LPCAT2: variants seen among roughly 807,000 people sequenced by gnomAD.
The protein encoded by LPCAT2 is 1-AGP acyltransferase 11.
LPCAT2 carries 58 observed loss-of-function variants against 64.7 expected under a neutral mutation model. The observed-to-expected ratio is 0.90, with a 90% CI of 0.73 to 1.12. LPCAT2 has a LOEUF of 1.12. Ranked by LOEUF, LPCAT2 falls within the 50% of genes most tolerant of loss-of-function variation. LPCAT2 has a pLI of 0.00. For synonymous variants in LPCAT2, 252 were observed against 245.3 expected, an observed-to-expected ratio of 1.03 and a Z score of -0.26; for missense variants, 579 against 669.8, an observed-to-expected ratio of 0.86 and a Z score of 1.50.
intron 6 of LPCAT2, among the ~76,000 whole-genome samples, chr16:55,533,237 CAG>C (rs1308474043): frequency 6.6e-6 from 1 of 151,956 alleles, no homozygotes; most frequent in African/African-American, 2.4e-5. Flanking sequence ...TTTCCTGACT[CAG>C]TGGTCATTAC....
At chr16:55,536,645 A>G (rs1234903891) in intron 7 of LPCAT2, among the ~76,000 whole-genome samples, 2 of 152,154 alleles carry the variant, frequency 1.3e-5, no homozygotes, top group Admixed American at 6.5e-5. Flanking sequence ...ATTTTTACAG[A>G]TAAATTATGT....
chr16:55,569,321 GCTA>G (rs1397612979), intron 11 of LPCAT2, among the ~76,000 whole-genome samples: 1 of 152,152 alleles, frequency 6.6e-6, no homozygotes, highest in Non-Finnish European at 1.5e-5. Flanking sequence ...GGTCTGGTGT[GCTA>G]CTTAGACCAG....
At chr16:55,534,409 C>T in intron 6 of LPCAT2, 34 bp from the exon 7 acceptor site, 1 of 1,403,564 alleles carries the variant, frequency 7.1e-7, no homozygotes, top group Non-Finnish European at 1.0e-6. Context: ...ATTTTTCCTC[C>T]AGACCAACAG....
At chr16:55,549,216 A>C in intron 9 of LPCAT2, 61 bp from the exon 10 acceptor site, 1 of 1,381,228 alleles carries the variant, frequency 7.2e-7, no homozygotes, top group Non-Finnish European at 9.8e-7. Context: ...AAGCCTAGTG[A>C]AATATGATTA....
chr16:55,575,491 C>T (rs1440246078), intron 12 of LPCAT2, among the ~76,000 whole-genome samples: 1 of 152,160 alleles, frequency 6.6e-6, no homozygotes, highest in African/African-American at 2.4e-5. Flanking sequence ...TCATTTCTCT[C>T]CTTGTCTTGC....
chr16:55,509,454 G>T (rs920778618), intron 1 of LPCAT2, 102 bp downstream of exon 1: 1 of 1,201,456 alleles, frequency 8.3e-7, no homozygotes, highest in South Asian at 2.3e-5. Context: ...GGCGGCCGAG[G>T]GGGGCGTGGG....
At chr16:55,536,818 T>C (rs1963329998) in intron 7 of LPCAT2, among the ~76,000 whole-genome samples, 1 of 152,172 alleles carries the variant, frequency 6.6e-6, no homozygotes, top group East Asian at 1.9e-4. Flanking sequence ...AAGCTATAAG[T>C]AGGAACAACT....
intron 11 of LPCAT2, among the ~76,000 whole-genome samples, chr16:55,569,938 T>C (rs1963750629): frequency 6.6e-6 from 1 of 152,226 alleles, no homozygotes; most frequent in South Asian, 2.1e-4. Context: ...AAAATTTGCC[T>C]GCTCTATATG....
At chr16:55,509,503 G>A in intron 1 of LPCAT2, 151 bp downstream of exon 1, 1 of 855,538 alleles carries the variant, frequency 1.2e-6, no homozygotes, top group Non-Finnish European at 1.6e-6. Context: ...GCGAGAGTCT[G>A]AGGAGGGAGG....
At chr16:55,572,091 A>G (rs1008908158) in intron 11 of LPCAT2, among the ~76,000 whole-genome samples, 16 of 152,086 alleles carry the variant, frequency 1.1e-4, no homozygotes, top group African/African-American at 3.9e-4. Context: ...CTCTCTTGTG[A>G]TCATCAAGAT....
chr16:55,533,249 C>G (rs143731024), intron 6 of LPCAT2, among the ~76,000 whole-genome samples: 41 of 152,054 alleles, frequency 2.7e-4, no homozygotes, highest in African/African-American at 9.6e-4. Context: ...GTGGTCATTA[C>G]TAGTGAAGAA....
At chr16:55,546,729 A>T (rs1321393671) in intron 9 of LPCAT2, among the ~76,000 whole-genome samples, 1 of 152,220 alleles carries the variant, frequency 6.6e-6, no homozygotes, top group African/African-American at 2.4e-5. Flanking sequence ...GTGTATATAG[A>T]TGTGCTTGTT....
chr16:55,530,493 G>T (rs200190847), intron 4 of LPCAT2, among the ~76,000 whole-genome samples: 16 of 47,748 alleles, frequency 3.4e-4, no homozygotes, highest in Non-Finnish European at 6.1e-4. Context: ...ATGCGGGGGT[G>T]GGGGGGGGGT....
At chr16:55,538,027 A>G (rs531873967) in intron 8 of LPCAT2, among the ~76,000 whole-genome samples, 30 of 152,338 alleles carry the variant, frequency 2.0e-4, no homozygotes, top group Middle Eastern at 6.8e-3. Flanking sequence ...GGGGAGAGAC[A>G]TAGAGGTCAG....
intron 11 of LPCAT2, among the ~76,000 whole-genome samples, chr16:55,563,206 A>G (rs1422763535): frequency 2.0e-5 from 3 of 151,954 alleles, no homozygotes; most frequent in African/African-American, 7.2e-5. Context: ...TAGACCTATA[A>G]CTAGCAAAGA....
chr16:55,529,997 T>C, intron 4 of LPCAT2, 50 bp downstream of exon 4: 1 of 1,358,606 alleles, frequency 7.4e-7, no homozygotes, highest in Non-Finnish European at 1.0e-6. Context: ...TTATTAATTG[T>C]ATGTATGTAG....
At position 55,586,541 on chromosome 16, in the gene LPCAT2, C is replaced by T. The variant is rs1389085624; in HGVS notation, c.*3443C>T. The T allele has an allele frequency of 1.3e-5, 2 of 152,124 alleles. No homozygotes were observed. Among genetic ancestry groups the T allele is most frequent in the Non-Finnish European group, 2.9e-5 (2 of 68,020 alleles). The allele number at this position is 152,124 out of a possible 1,614,324, so 9.4% of individuals were successfully genotyped here. On this transcript the variant is annotated 3_prime_UTR_variant, in exon 14 of 14. Transcript: ENST00000262134. The stretch of plus-strand genomic sequence containing the variant: ...CTCCATCTTTTTTCAAAGTTTCTTA[C>T]ATTTTCCAATGTCATTAAAATTCTC...
intron 2 of LPCAT2, 83 bp from the exon 3 acceptor site, chr16:55,528,294 G>C: frequency 9.9e-7 from 1 of 1,005,684 alleles, no homozygotes; most frequent in Non-Finnish European, 1.5e-6. Flanking sequence ...ACATGTTTTG[G>C]TTTTCTTATT....
intron 8 of LPCAT2, 86 bp downstream of exon 8, chr16:55,537,718 A>G: frequency 9.4e-7 from 1 of 1,063,888 alleles, no homozygotes; most frequent in Non-Finnish European, 1.4e-6. Context: ...ACCAGATATA[A>G]AGGTCCATCA....
Sources: allele counts gnomAD v4.1 joint callset (sites outside exome capture counted in the v4.1 genomes callset), GRCh38; gene constraint gnomAD v4.1.1; transcripts MANE v1.5; gene names NCBI Gene and HGNC (gene_info 2026-07-23, HGNC 2026-07-21).